PCDH15: variants seen among roughly 807,000 people sequenced by gnomAD.
PCDH15 encodes protocadherin related 15, also known as protocadherin-15.
PCDH15 carries 129 observed loss-of-function variants against 178.5 expected under a neutral mutation model. That is an observed-to-expected ratio of 0.72 (90% confidence interval 0.63 to 0.84). The LOEUF (loss-of-function observed/expected upper bound fraction) is 0.84, where lower values mean the gene tolerates loss of function less well. Among genes scored for constraint, PCDH15 ranks in the 40% least tolerant of loss-of-function variants. The probability of loss-of-function intolerance (pLI) is 0.00; values close to 1 mark genes in which losing one functional copy is unlikely to be tolerated. For synonymous variants in PCDH15, 800 were observed against 732.0 expected, an observed-to-expected ratio of 1.09 and a Z score of -1.50; for missense variants, 2,230 against 2,099.9, an observed-to-expected ratio of 1.06 and a Z score of -1.21.
intron 1 of PCDH15, among the ~76,000 whole-genome samples, chr10:54,702,520 T>C (rs1343568950): frequency 1.4e-5 from 2 of 139,360 alleles, no homozygotes; most frequent in Non-Finnish European, 3.1e-5. Context: ...AAAGGGGACA[T>C]TACTTCCAAT....
At position 54,627,403 on chromosome 10, in the gene PCDH15, G is replaced by A. The variant is rs142209658; in HGVS notation, c.91+36769C>T. Among the ~76,000 whole-genome samples the A allele has an allele frequency of 5.9e-3, 893 of 152,182 alleles. 15 individuals carry two copies. Among genetic ancestry groups the A allele is most frequent in the African/African-American group, 0.02 (843 of 41,510 alleles). On this transcript the variant is annotated intron_variant, in intron 2 of 37. Transcript: ENST00000644397. ...TGAATCATGGGGGCAGATCTTTCCC[G>A]TACTGTTCTCATGATAGTGAATGGG...
chr10:54,643,773 T>TC (rs1491159624), intron 2 of PCDH15, among the ~76,000 whole-genome samples: 9 of 101,604 alleles, frequency 8.9e-5, no homozygotes, highest in African/African-American at 4.5e-4. Context: ...AGTTATTTTC[T>TC]TTTTTTTTTT....
At chr10:55,126,879 CA>C (rs1365432845) in intron 2 of PCDH15, among the ~76,000 whole-genome samples, 4 of 146,332 alleles carry the variant, frequency 2.7e-5, no homozygotes, top group East Asian at 2.0e-4. Context: ...GCCTTAAATA[CA>C]AAAAGGAGAC....
intron 3 of PCDH15, among the ~76,000 whole-genome samples, chr10:54,877,584 A>C (rs2131801974): frequency 6.6e-6 from 1 of 152,336 alleles, no homozygotes; most frequent in Middle Eastern, 3.4e-3. Context: ...TATCTAAAAG[A>C]AACAAATAAC....
At chr10:55,032,773 T>G (rs1470025060) in intron 2 of PCDH15, among the ~76,000 whole-genome samples, 2 of 152,116 alleles carry the variant, frequency 1.3e-5, no homozygotes, top group African/African-American at 2.4e-5. Context: ...TCAGGGTTTT[T>G]AAATGCTGTC....
intron 3 of PCDH15, among the ~76,000 whole-genome samples, chr10:54,435,736 T>A (rs967012935): frequency 1.3e-5 from 2 of 151,932 alleles, no homozygotes; most frequent in Non-Finnish European, 2.9e-5. Flanking sequence ...TTTGGGAGGC[T>A]GAGAAGGGCG....
chr10:53,995,848 A>G, intron 20 of PCDH15, 83 bp from the exon 21 acceptor site: 4 of 1,198,920 alleles, frequency 3.3e-6, no homozygotes, highest in South Asian at 2.4e-5. Flanking sequence ...CAGTCTTCAT[A>G]TCACACAACT....
intron 2 of PCDH15, among the ~76,000 whole-genome samples, chr10:55,385,903 A>G (rs1443531330): frequency 6.6e-6 from 1 of 151,412 alleles, no homozygotes; most frequent in Non-Finnish European, 1.5e-5. Context: ...ATCTACACAT[A>G]TATCTACAAA....
At chr10:54,576,496 C>G (rs949846846) in intron 2 of PCDH15, among the ~76,000 whole-genome samples, 1 of 152,150 alleles carries the variant, frequency 6.6e-6, no homozygotes, top group Admixed American at 6.5e-5. Context: ...TGCTGCAGGG[C>G]AAGATCTTTG....
rs114900679 is a variant in PCDH15 at position 55,458,794 on chromosome 10, A to T, written c.-156+168831T>A. Among the ~76,000 whole-genome samples, 300 of 152,186 alleles carry T rather than the reference A, an allele frequency of 2.0e-3. 2 individuals are homozygous for T. Among genetic ancestry groups the T allele is most frequent in the African/African-American group, 7.1e-3 (293 of 41,560 alleles). On this transcript the variant is annotated intron_variant, in intron 2 of 5. Coordinates refer to the PCDH15 transcript ENST00000613346. Reference sequence around the variant, plus strand: ...CTTCATTCATTAATCAAAGTTTATCAAATGCTGTTAAATGACAGACAATGT... The same window carrying T: ...CTTCATTCATTAATCAAAGTTTATCTAATGCTGTTAAATGACAGACAATGT...
intron 3 of PCDH15, among the ~76,000 whole-genome samples, chr10:54,488,290 G>T (rs2079275171): frequency 6.6e-6 from 1 of 151,640 alleles, no homozygotes; most frequent in African/African-American, 2.4e-5. Flanking sequence ...AAATTAATTG[G>T]ATACTTGGAT....
At chr10:55,551,790 A>T (rs1432935026) in intron 2 of PCDH15, among the ~76,000 whole-genome samples, 2 of 151,752 alleles carry the variant, frequency 1.3e-5, no homozygotes, top group East Asian at 3.9e-4. Context: ...GAGTATGTAC[A>T]TATTGCGAAA....
intron 14 of PCDH15, among the ~76,000 whole-genome samples, chr10:54,139,748 G>T (rs1438521694): frequency 6.6e-6 from 1 of 152,086 alleles, no homozygotes; most frequent in Non-Finnish European, 1.5e-5. Flanking sequence ...GCTTGAAATG[G>T]TTAGTTATGA....
intron 1 of PCDH15, among the ~76,000 whole-genome samples, chr10:54,779,429 C>CATATATGTGTATATATATACACACACAT (rs200324192): frequency 3.0e-5 from 3 of 99,686 alleles, no homozygotes; most frequent in East Asian, 5.4e-4. Context: ...TATACACACA[C>CATATATGTGTATATATATACACACACAT]ATATGTGTAT....
At chr10:55,098,639 C>T (rs893110391) in intron 2 of PCDH15, among the ~76,000 whole-genome samples, 2 of 151,966 alleles carry the variant, frequency 1.3e-5, no homozygotes, top group Non-Finnish European at 2.9e-5. Flanking sequence ...ACAATGACCC[C>T]ATTTGCATAA....
intron 2 of PCDH15, among the ~76,000 whole-genome samples, chr10:55,363,103 T>C (rs1845268928): frequency 6.6e-6 from 1 of 152,208 alleles, no homozygotes; most frequent in South Asian, 2.1e-4. Context: ...CTGGAGTCAT[T>C]TCTTATGTAA....
At chr10:54,277,338 A>T (rs12241144) in intron 8 of PCDH15, among the ~76,000 whole-genome samples, 76,006 of 151,238 alleles carry the variant, frequency 0.5, 19,977 homozygotes, top group Middle Eastern at 0.61. Flanking sequence ...AAGCAACTAT[A>T]ACTAAAGCTG....
chr10:55,406,293 A>T (rs1252359070), intron 2 of PCDH15, among the ~76,000 whole-genome samples: 2 of 152,176 alleles, frequency 1.3e-5, no homozygotes, highest in East Asian at 3.9e-4. Context: ...ACCCACTTGT[A>T]TAAAAGGTTA....
Position 54,630,360 on chromosome 10 carries a change from T to A in PCDH15, c.91+33812A>T, listed in dbSNP as rs77613380. Reference sequence around the variant, plus strand: ...GAATAGAAAACAGAAATAAGGCTGCTTACTTACAACCATTTGATCTTCAAC... The same window carrying A: ...GAATAGAAAACAGAAATAAGGCTGCATACTTACAACCATTTGATCTTCAAC... On this transcript the variant is annotated intron_variant, in intron 2 of 37. Coordinates refer to ENST00000644397, the MANE Select transcript of PCDH15 (RefSeq NM_001384140.1). Among the ~76,000 whole-genome samples, 1,235 of 152,224 alleles carry A rather than the reference T, an allele frequency of 8.1e-3. 20 individuals are homozygous for A. Among genetic ancestry groups the A allele is most frequent in the African/African-American group, 0.028 (1,176 of 41,540 alleles).
Sources: gnomAD v4.1 joint callset for allele counts (sites outside exome capture counted in the v4.1 genomes callset) on GRCh38, gnomAD v4.1.1 for gene constraint, MANE v1.5 for transcripts, NCBI Gene and HGNC (gene_info 2026-07-23, HGNC 2026-07-21) for gene names.